FAM107B: variants seen among roughly 807,000 people sequenced by gnomAD.
FAM107B encodes the protein protein FAM107B.
Under a neutral mutation model 31.5 loss-of-function variants are expected in FAM107B, and 21 were observed. That is an observed-to-expected ratio of 0.67 (90% CI 0.47 to 0.96). The LOEUF (loss-of-function observed/expected upper bound fraction) is 0.96, where lower values mean the gene tolerates loss of function less well. FAM107B is among the 40% of genes least tolerant of loss of function. FAM107B has a pLI of 0.00. For synonymous variants in FAM107B, 157 were observed against 141.5 expected (o/e 1.11, Z -0.78); for missense variants, 452 against 377.1 (o/e 1.20, Z -1.64).
intron 1 of FAM107B, among the ~76,000 whole-genome samples, chr10:14,741,771 A>G (rs1588747371): frequency 8.3e-6 from 1 of 120,612 alleles, no homozygotes; most frequent in African/African-American, 3.4e-5. Flanking sequence ...CCCAGGCTGG[A>G]GTGCAGTGGT....
At chr10:14,622,067 G>A (rs1853025339) in intron 2 of FAM107B, among the ~76,000 whole-genome samples, 1 of 152,086 alleles carries the variant, frequency 6.6e-6, no homozygotes, top group Admixed American at 6.5e-5. Context: ...TAACATTCCT[G>A]GCTTTTCATC....
At chr10:14,654,071 T>C in intron 2 of FAM107B, 1 of 151,400 alleles carries the variant, frequency 6.6e-6, no homozygotes, top group East Asian at 1.9e-4. Context: ...CCAGGCAGGA[T>C]AGGGAGGTAC....
At chr10:14,772,364 T>A (rs11259331) in intron 1 of FAM107B, among the ~76,000 whole-genome samples, 2,174 of 135,702 alleles carry the variant, frequency 0.016, 38 homozygotes, top group East Asian at 0.1. Flanking sequence ...AAAAAAAAAA[T>A]ATATATATAT....
At chr10:14,542,747 T>C (rs1848336785) in intron 2 of FAM107B, 3 of 152,230 alleles carry the variant, frequency 2.0e-5, no homozygotes, top group Admixed American at 2.0e-4. Flanking sequence ...CAAATACCCA[T>C]TTCTCTAACC....
At chr10:14,725,942 C>T (rs2131554553) in intron 1 of FAM107B, among the ~76,000 whole-genome samples, 1 of 150,822 alleles carries the variant, frequency 6.6e-6, no homozygotes, top group South Asian at 2.1e-4. Flanking sequence ...TCTCCTGCCT[C>T]AGCTTCCCAA....
intron 1 of FAM107B, among the ~76,000 whole-genome samples, chr10:14,772,587 G>A: frequency 6.6e-6 from 1 of 151,992 alleles, no homozygotes; most frequent in East Asian, 1.9e-4. Context: ...TCCCTGCCTG[G>A]TTTGGACCGC....
At chr10:14,747,834 G>C (rs370939078) in intron 1 of FAM107B, among the ~76,000 whole-genome samples, 4 of 152,306 alleles carry the variant, frequency 2.6e-5, no homozygotes, top group African/African-American at 9.6e-5. Context: ...GGTGGAGGGG[G>C]TGCACTGTAC....
intron 1 of FAM107B, among the ~76,000 whole-genome samples, chr10:14,687,476 C>G (rs1410078): frequency 0.052 from 7,929 of 152,138 alleles, 689 homozygotes; most frequent in African/African-American, 0.18. Context: ...CACTTGTGTG[C>G]AAATAAAAAA....
chr10:14,759,972 T>C (rs1043984283), intron 1 of FAM107B, among the ~76,000 whole-genome samples: 1 of 152,114 alleles, frequency 6.6e-6, no homozygotes. Context: ...TTGGTCTCCC[T>C]AAGTGCTGGG....
intron 2 of FAM107B, among the ~76,000 whole-genome samples, chr10:14,640,423 A>G (rs1326962282): frequency 6.6e-6 from 1 of 152,162 alleles, no homozygotes; most frequent in African/African-American, 2.4e-5. Flanking sequence ...AGCATACCCA[A>G]AGTAAACTCT....
chr10:14,542,312 C>T (rs1054676598), intron 2 of FAM107B, among the ~76,000 whole-genome samples: 4 of 150,482 alleles, frequency 2.7e-5, no homozygotes, highest in African/African-American at 9.8e-5. Context: ...CAGGATAATA[C>T]GGGCGGTTTA....
At position 14,696,809 on chromosome 10, in the gene FAM107B, G is replaced by T. The variant is rs143471917; in HGVS notation, c.412-29118C>A. Among the ~76,000 whole-genome samples, 3 of 152,318 alleles carry T rather than the reference G, an allele frequency of 2.0e-5. No homozygotes were observed. The East Asian group carries it at 5.8e-4, about 29-fold the overall frequency. On this transcript the variant is annotated intron_variant, in intron 1 of 4. Transcript: ENST00000181796. The stretch of plus-strand genomic sequence containing the variant: ...CCTGTCTACTCAATCTGACTTTGCA[G>T]AGAAGGGTGGGATGAGGGAGCAGAC...
At chr10:14,774,165 G>T in intron 1 of FAM107B, 88 bp downstream of exon 1, 6 of 1,494,194 alleles carry the variant, frequency 4.0e-6, no homozygotes, top group Non-Finnish European at 5.4e-6. Context: ...AAGGTTAAAT[G>T]AGTTTGTTTG....
At chr10:14,596,815 G>A (rs1852203435) in intron 2 of FAM107B, among the ~76,000 whole-genome samples, 1 of 152,164 alleles carries the variant, frequency 6.6e-6, no homozygotes, top group Non-Finnish European at 1.5e-5. Flanking sequence ...TGGCCCACAT[G>A]CTGTTCCAAT....
intron 1 of FAM107B, among the ~76,000 whole-genome samples, chr10:14,671,869 AT>A (rs1247666897): frequency 1.9e-4 from 9 of 48,270 alleles, no homozygotes; most frequent in Middle Eastern, 0.01. Context: ...ACTCCCTTTT[AT>A]TTAAAAAAAA....
At chr10:14,703,916 C>T (rs1855461060) in intron 1 of FAM107B, among the ~76,000 whole-genome samples, 1 of 152,120 alleles carries the variant, frequency 6.6e-6, no homozygotes. Context: ...AGTAGAGAAC[C>T]AGGCGTGATG....
intron 2 of FAM107B, among the ~76,000 whole-genome samples, chr10:14,643,125 A>G (rs202111383): frequency 1.3e-5 from 1 of 77,956 alleles, no homozygotes; most frequent in African/African-American, 4.6e-5. Flanking sequence ...AGGTAGATAG[A>G]CAGATAGATA....
chr10:14,693,202 G>T (rs775531068), intron 1 of FAM107B, among the ~76,000 whole-genome samples: 1 of 152,134 alleles, frequency 6.6e-6, no homozygotes, highest in East Asian at 1.9e-4. Context: ...ATGGCCGGGC[G>T]CGGTGGCTCA....
At chr10:14,668,008 C>T (rs1854450142) in intron 1 of FAM107B, among the ~76,000 whole-genome samples, 1 of 152,078 alleles carries the variant, frequency 6.6e-6, no homozygotes. Flanking sequence ...GCACCCGTGA[C>T]TTAGAAATGA....
Sources: gnomAD v4.1 joint callset for allele counts (sites outside exome capture counted in the v4.1 genomes callset) on GRCh38, gnomAD v4.1.1 for gene constraint, MANE v1.5 for transcripts, NCBI Gene and HGNC (gene_info 2026-07-23, HGNC 2026-07-21) for gene names.